CHODL: variants seen among roughly 807,000 people sequenced by gnomAD.
CHODL encodes transmembrane protein MT75.
In CHODL, 29 loss-of-function variants were observed where a neutral mutation model predicts 34.5. That is an observed-to-expected ratio of 0.84 (90% confidence interval 0.63 to 1.15). CHODL has a LOEUF of 1.15. CHODL is among the 50% of genes most tolerant of loss of function. The pLI, the probability that CHODL is intolerant of heterozygous loss-of-function variation, is 0.00. For missense variants in CHODL, 332 were observed against 332.5 expected (o/e 1.00, Z 0.01); for synonymous variants, 125 against 116.1 (o/e 1.08, Z -0.49).
chr21:18,077,982 G>C (rs889492651), intron 2 of CHODL, among the ~76,000 whole-genome samples: 4 of 152,172 alleles, frequency 2.6e-5, no homozygotes, highest in Non-Finnish European at 5.9e-5. Flanking sequence ...AGTAATTTCA[G>C]TATAACGTGT....
chr21:17,962,747 C>T (rs2063540625), intron 1 of CHODL, among the ~76,000 whole-genome samples: 1 of 152,134 alleles, frequency 6.6e-6, no homozygotes, highest in African/African-American at 2.4e-5. Flanking sequence ...ATGGTTAATA[C>T]ATCTAGTGAG....
chr21:18,235,863 A>C (rs750058233), intron 2 of CHODL, among the ~76,000 whole-genome samples: 3 of 152,136 alleles, frequency 2.0e-5, no homozygotes, highest in Non-Finnish European at 4.4e-5. Flanking sequence ...CCAGGGAGGA[A>C]AGGAAATTCT....
chr21:18,229,121 T>C (rs1478316174), intron 2 of CHODL, among the ~76,000 whole-genome samples: 1 of 152,154 alleles, frequency 6.6e-6, no homozygotes, highest in Non-Finnish European at 1.5e-5. Context: ...CTTTGCAATA[T>C]ATGATGGAGC....
chr21:18,205,118 A>G (rs1274617664), intron 2 of CHODL, among the ~76,000 whole-genome samples: 1 of 152,150 alleles, frequency 6.6e-6, no homozygotes, highest in Non-Finnish European at 1.5e-5. Flanking sequence ...GACTTCCAGT[A>G]CTATGTTGAA....
chr21:18,079,981 C>A (rs916860756), intron 2 of CHODL, among the ~76,000 whole-genome samples: 5 of 152,040 alleles, frequency 3.3e-5, no homozygotes. Context: ...TTTTTCTCTG[C>A]ATCCCTGCCA....
intron 1 of CHODL, among the ~76,000 whole-genome samples, chr21:18,250,343 T>C (rs995337398): frequency 6.6e-6 from 1 of 152,198 alleles, no homozygotes; most frequent in East Asian, 1.9e-4. Flanking sequence ...TCTCATGCTC[T>C]TCTCAGAAAG....
chr21:17,954,008 C>CAA (rs993282737), intron 1 of CHODL, among the ~76,000 whole-genome samples: 1 of 147,836 alleles, frequency 6.8e-6, no homozygotes, highest in Admixed American at 6.7e-5. Context: ...GACTCTGTCT[C>CAA]AAAAAAAATT....
At chr21:18,050,548 G>A (rs907019530) in intron 2 of CHODL, among the ~76,000 whole-genome samples, 7 of 151,882 alleles carry the variant, frequency 4.6e-5, no homozygotes, top group African/African-American at 1.7e-4. Flanking sequence ...ATAGATAAAC[G>A]TAAGATACAT....
intron 1 of CHODL, among the ~76,000 whole-genome samples, chr21:17,935,602 A>C (rs926418493): frequency 6.6e-6 from 1 of 152,252 alleles, no homozygotes; most frequent in African/African-American, 2.4e-5. Context: ...CTTTTTTAAC[A>C]AAATACATTC....
At chr21:18,057,684 C>T (rs2064600951) in intron 2 of CHODL, among the ~76,000 whole-genome samples, 1 of 151,926 alleles carries the variant, frequency 6.6e-6, no homozygotes, top group Admixed American at 6.6e-5. Context: ...ATTTAAGCTT[C>T]CTCCATTAAA....
At chr21:18,003,822 T>G (rs2063934484) in intron 1 of CHODL, among the ~76,000 whole-genome samples, 2 of 152,222 alleles carry the variant, frequency 1.3e-5, no homozygotes, top group African/African-American at 2.4e-5. Flanking sequence ...CTTAGCGACC[T>G]GTGTTAGGGG....
chr21:18,032,115 GA>G (rs1269131454), intron 2 of CHODL, among the ~76,000 whole-genome samples: 3 of 152,172 alleles, frequency 2.0e-5, no homozygotes, highest in African/African-American at 7.2e-5. Context: ...CATTTAGTTA[GA>G]GAGGAGAAAT....
intron 1 of CHODL, among the ~76,000 whole-genome samples, chr21:17,944,137 G>A (rs1334760365): frequency 1.3e-5 from 2 of 152,056 alleles, no homozygotes; most frequent in South Asian, 2.1e-4. Flanking sequence ...CCCAATTAGG[G>A]AGACTCCCAC....
rs75999551 is a variant in CHODL, at chr21:18,141,889, G to A, written c.-45+113918G>A. Among the ~76,000 whole-genome samples the A allele has an allele frequency of 1.2e-3, 189 of 152,104 alleles. 1 individual carries two copies. The highest frequency in any genetic ancestry group is 4.3e-3 in the African/African-American group (180 of 41,518). Reference sequence around the variant, plus strand: ...GACTAGGCAATGTGAAAGTTTTGATGGTAGTCGCCCAGGTATTATTGATTA... The same window carrying A: ...GACTAGGCAATGTGAAAGTTTTGATAGTAGTCGCCCAGGTATTATTGATTA... On this transcript the variant is annotated intron_variant, in intron 2 of 6. Coordinates refer to the CHODL transcript ENST00000400127.
At chr21:18,235,810 T>C (rs948189018) in intron 2 of CHODL, among the ~76,000 whole-genome samples, 2 of 152,248 alleles carry the variant, frequency 1.3e-5, no homozygotes, top group Middle Eastern at 3.4e-3. Context: ...AGACAAATAG[T>C]TCATATTTAG....
intron 2 of CHODL, among the ~76,000 whole-genome samples, chr21:18,207,043 A>G (rs1402519951): frequency 2.0e-5 from 3 of 151,384 alleles, no homozygotes; most frequent in Non-Finnish European, 4.4e-5. Context: ...CCAGCCCCCA[A>G]CCCCTGACAG....
chr21:18,171,235 T>A (rs1322266577), intron 2 of CHODL, among the ~76,000 whole-genome samples: 1 of 92,218 alleles, frequency 1.1e-5, no homozygotes, highest in Non-Finnish European at 2.1e-5. Context: ...AGTCTCGCTC[T>A]GTCGCCCAGG....
intron 1 of CHODL, among the ~76,000 whole-genome samples, chr21:18,024,963 C>G (rs2064160307): frequency 6.6e-6 from 1 of 152,176 alleles, no homozygotes; most frequent in Non-Finnish European, 1.5e-5. Flanking sequence ...AGAACTGTGA[C>G]TATATCTTGG....
chr21:18,140,622 G>C (rs2072789163), intron 2 of CHODL, among the ~76,000 whole-genome samples: 1 of 152,022 alleles, frequency 6.6e-6, no homozygotes, highest in African/African-American at 2.4e-5. Flanking sequence ...GTACCAGAAA[G>C]CTGGAAAAAA....
Sources: allele counts gnomAD v4.1 joint callset (sites outside exome capture counted in the v4.1 genomes callset), GRCh38; gene constraint gnomAD v4.1.1; transcripts MANE v1.5; gene names NCBI Gene and HGNC (gene_info 2026-07-23, HGNC 2026-07-21).